SYN2: variants seen among roughly 807,000 people sequenced by gnomAD.
SYN2 encodes synapsin-2.
In SYN2, 19 loss-of-function variants were observed where a neutral mutation model predicts 50.9. The observed-to-expected ratio is 0.37, with a 90% CI of 0.26 to 0.55. The LOEUF (loss-of-function observed/expected upper bound fraction) is 0.55. SYN2 is among the 20% of genes least tolerant of loss of function. The pLI is 0.81. For missense variants in SYN2, 587 were observed against 576.4 expected, an observed-to-expected ratio of 1.02 and a Z score of -0.19; for synonymous variants, 255 against 224.9, an observed-to-expected ratio of 1.13 and a Z score of -1.20.
At chr3:12,158,991 G>T in intron 5 of SYN2, 2 of 1,172,840 alleles carry the variant, frequency 1.7e-6, no homozygotes, top group Non-Finnish European at 2.3e-6. Context: ...GCCTTCCTTT[G>T]GCTCTAGGCC....
chr3:12,060,894 G>A (rs763993483), intron 1 of SYN2, among the ~76,000 whole-genome samples: 1 of 152,154 alleles, frequency 6.6e-6, no homozygotes, highest in Non-Finnish European at 1.5e-5. Context: ...TTCAAACCAA[G>A]CATCAGAACC....
intron 1 of SYN2, among the ~76,000 whole-genome samples, chr3:12,082,729 A>G (rs1018710197): frequency 1.3e-5 from 2 of 152,104 alleles, no homozygotes; most frequent in African/African-American, 4.8e-5. Flanking sequence ...TATATATTAT[A>G]GTTTCTTTTT....
intron 1 of SYN2, among the ~76,000 whole-genome samples, chr3:12,099,782 G>C (rs186279519): frequency 5.4e-4 from 82 of 152,056 alleles, no homozygotes; most frequent in African/African-American, 1.9e-3. Flanking sequence ...GGCTAACACG[G>C]TGAAACCCCA....
intron 1 of SYN2, among the ~76,000 whole-genome samples, chr3:12,110,470 G>A (rs890042045): frequency 2.0e-5 from 3 of 152,200 alleles, no homozygotes; most frequent in Non-Finnish European, 4.4e-5. Context: ...GCTCCACTAG[G>A]TGATGCCCCA....
At chr3:12,116,785 C>A (rs929262084) in intron 1 of SYN2, among the ~76,000 whole-genome samples, 3 of 152,092 alleles carry the variant, frequency 2.0e-5, no homozygotes, top group Admixed American at 6.5e-5. Context: ...GGTCTCCATT[C>A]TCTTGCCCAA....
At chr3:12,178,870 C>T (rs992057710) in intron 10 of SYN2, among the ~76,000 whole-genome samples, 1 of 152,234 alleles carries the variant, frequency 6.6e-6, no homozygotes, top group Admixed American at 6.5e-5. Flanking sequence ...AGGCAACTGC[C>T]TTGCCCAAGG....
At chr3:12,057,289 G>GTCTGTC (rs200988080) in intron 1 of SYN2, among the ~76,000 whole-genome samples, 1 of 131,268 alleles carries the variant, frequency 7.6e-6, no homozygotes, top group Non-Finnish European at 1.8e-5. Flanking sequence ...AAGACTGTCT[G>GTCTGTC]TGTGTGTGTG....
In SYN2 at chr3:12,192,028, G is replaced by A. The variant is rs1287316905; in HGVS notation, c.*1403G>A. On this transcript the variant is annotated 3_prime_UTR_variant, in exon 13 of 13. Transcript: ENST00000621198. ...CAATAAAAAATCCATATATTAAAATGTTAATATCTGAATGTTAATAAGTAT... is the reference window on the plus strand; with the variant it reads ...CAATAAAAAATCCATATATTAAAATATTAATATCTGAATGTTAATAAGTAT... Among the ~76,000 whole-genome samples the A allele has an allele frequency of 6.6e-6, 1 of 152,194 alleles. No homozygotes were observed. The highest frequency in any genetic ancestry group is 2.4e-5 in the African/African-American group (1 of 41,446).
chr3:12,030,499 A>G (rs1416261257), intron 1 of SYN2, among the ~76,000 whole-genome samples: 1 of 150,822 alleles, frequency 6.6e-6, no homozygotes, highest in Non-Finnish European at 1.5e-5. Context: ...CTGTGAATCC[A>G]TCTGGTCCTT....
intron 3 of SYN2, among the ~76,000 whole-genome samples, chr3:12,144,003 G>A (rs1397829929): frequency 6.6e-6 from 1 of 152,218 alleles, no homozygotes; most frequent in African/African-American, 2.4e-5. Context: ...GGCTGGAGGT[G>A]GTGGGCGGAT....
intron 10 of SYN2, among the ~76,000 whole-genome samples, chr3:12,177,042 TC>T (rs1429034301): frequency 6.6e-6 from 1 of 152,162 alleles, no homozygotes; most frequent in African/African-American, 2.4e-5. Context: ...CATGCTGAGA[TC>T]CAGACTGTGT....
At chr3:12,180,519 C>A (rs1432683385) in intron 10 of SYN2, among the ~76,000 whole-genome samples, 2 of 152,202 alleles carry the variant, frequency 1.3e-5, no homozygotes, top group African/African-American at 4.8e-5. Context: ...TAGCCAAGCC[C>A]CACAGGGAAT....
At chr3:12,064,208 T>C (rs1270883066) in intron 1 of SYN2, among the ~76,000 whole-genome samples, 1 of 151,930 alleles carries the variant, frequency 6.6e-6, no homozygotes, top group Admixed American at 6.6e-5. Context: ...ACTTGGCCAA[T>C]ACTTATTAAA....
chr3:12,097,228 A>G (rs1352941980), intron 1 of SYN2, among the ~76,000 whole-genome samples: 1 of 152,204 alleles, frequency 6.6e-6, no homozygotes, highest in Non-Finnish European at 1.5e-5. Context: ...ACGTATGTTT[A>G]TTGCGGCACT....
At chr3:12,190,264 C>G (rs565789230) in intron 12 of SYN2, among the ~76,000 whole-genome samples, 11 of 152,226 alleles carry the variant, frequency 7.2e-5, no homozygotes, top group African/African-American at 2.4e-4. Flanking sequence ...CTCCCTTGTT[C>G]CCACACTGTC....
intron 1 of SYN2, among the ~76,000 whole-genome samples, chr3:12,035,067 A>T (rs139907141): frequency 5.3e-5 from 8 of 152,224 alleles, no homozygotes; most frequent in Non-Finnish European, 1.0e-4. Flanking sequence ...CAGGCATAGG[A>T]TAGACGTTCC....
intron 6 of SYN2, 115 bp from the exon 7 acceptor site, chr3:12,161,897 T>G: frequency 7.1e-7 from 1 of 1,410,926 alleles, no homozygotes; most frequent in Non-Finnish European, 9.6e-7. Context: ...GCACCCAGAT[T>G]AGTGTCTGGA....
intron 1 of SYN2, among the ~76,000 whole-genome samples, chr3:12,059,007 G>T (rs1399616621): frequency 2.0e-5 from 3 of 152,274 alleles, no homozygotes; most frequent in East Asian, 3.9e-4. Context: ...TACCTGTCTG[G>T]TTATATGCAT....
chr3:12,186,545 A>G (rs1172460160), intron 11 of SYN2, among the ~76,000 whole-genome samples: 5 of 152,188 alleles, frequency 3.3e-5, no homozygotes, highest in Admixed American at 3.3e-4. Flanking sequence ...ATTCTACCAC[A>G]CATGGCTGAG....
Sources: allele counts gnomAD v4.1 joint callset (sites outside exome capture counted in the v4.1 genomes callset), GRCh38; gene constraint gnomAD v4.1.1; transcripts MANE v1.5; gene names NCBI Gene and HGNC (gene_info 2026-07-23, HGNC 2026-07-21).